Variants in LY86 observed in about 807,000 individuals in gnomAD.
LY86 encodes lymphocyte antigen 86.
LY86 carries 20 observed loss-of-function variants against 17.3 expected under a neutral mutation model. That is an observed-to-expected ratio of 1.15 (90% CI 0.81 to 1.68). The LOEUF is 1.68. Among genes scored for constraint, LY86 ranks in the 40% most tolerant of loss-of-function variants. The pLI is 0.00. For missense variants in LY86, 200 were observed against 191.9 expected (o/e 1.04, Z -0.25); for synonymous variants, 74 against 70.6 (o/e 1.05, Z -0.24).
At chr6:6,601,379 G>A (rs1342005230) in intron 1 of LY86, among the ~76,000 whole-genome samples, 1 of 61,354 alleles carries the variant, frequency 1.6e-5, no homozygotes, top group Non-Finnish European at 6.0e-5. Flanking sequence ...TCATGGAAAG[G>A]GCAGATGATG....
At chr6:6,603,630 A>C (rs1339988465) in intron 1 of LY86, among the ~76,000 whole-genome samples, 3 of 127,386 alleles carry the variant, frequency 2.4e-5, no homozygotes, top group African/African-American at 8.7e-5. Context: ...AAAAAAAAAC[A>C]AAACACACAC....
intron 3 of LY86, among the ~76,000 whole-genome samples, chr6:6,645,301 A>G (rs1188197691): frequency 6.6e-6 from 1 of 152,196 alleles, no homozygotes; most frequent in Non-Finnish European, 1.5e-5. Flanking sequence ...CTGGGTAAAT[A>G]ATAATATAGT....
intron 1 of LY86, among the ~76,000 whole-genome samples, chr6:6,621,740 T>C (rs936380723): frequency 2.6e-5 from 4 of 152,192 alleles, no homozygotes; most frequent in Admixed American, 2.6e-4. Context: ...GCAAATTTAC[T>C]ACAAATAACC....
intron 1 of LY86, among the ~76,000 whole-genome samples, chr6:6,603,393 A>T (rs998453940): frequency 4.6e-5 from 7 of 151,972 alleles, no homozygotes; most frequent in Non-Finnish European, 5.9e-5. Flanking sequence ...ACATCTAAGG[A>T]AACTGTATGG....
At chr6:6,612,500 C>T (rs1306165381) in intron 1 of LY86, among the ~76,000 whole-genome samples, 4 of 145,880 alleles carry the variant, frequency 2.7e-5, no homozygotes, top group Non-Finnish European at 6.0e-5. Flanking sequence ...ACAACAAAAA[C>T]ACTTACTGCA....
At chr6:6,620,256 T>C (rs1215611762) in intron 1 of LY86, among the ~76,000 whole-genome samples, 2 of 152,164 alleles carry the variant, frequency 1.3e-5, no homozygotes, top group Non-Finnish European at 2.9e-5. Flanking sequence ...GATCTTACCA[T>C]GGGGGATGAT....
chr6:6,637,013 T>TG (rs1002497247), intron 3 of LY86, among the ~76,000 whole-genome samples: 9 of 148,212 alleles, frequency 6.1e-5, no homozygotes, highest in East Asian at 1.9e-4. Context: ...GGTTTTTTTT[T>TG]TTTTTTTTTT....
chr6:6,626,727 G>A (rs566142899), intron 3 of LY86, among the ~76,000 whole-genome samples: 1 of 152,170 alleles, frequency 6.6e-6, no homozygotes, highest in South Asian at 2.1e-4. Flanking sequence ...GAGCCAAGAG[G>A]TTCCAAAAAT....
At chr6:6,605,864 G>A (rs183779442) in intron 1 of LY86, among the ~76,000 whole-genome samples, 31 of 151,430 alleles carry the variant, frequency 2.0e-4, no homozygotes, top group African/African-American at 5.2e-4. Context: ...GGGGGCATCT[G>A]GAGCTCTTCG....
chr6:6,618,905 A>G (rs1051835688), intron 1 of LY86, among the ~76,000 whole-genome samples: 5 of 152,218 alleles, frequency 3.3e-5, no homozygotes, highest in Non-Finnish European at 5.9e-5. Context: ...CCACATTGTA[A>G]ATTATTTCTT....
chr6:6,640,931 C>G (rs1762031299), intron 3 of LY86, among the ~76,000 whole-genome samples: 1 of 152,206 alleles, frequency 6.6e-6, no homozygotes, highest in South Asian at 2.1e-4. Flanking sequence ...AAAATAAAAT[C>G]TCACATGCCT....
chr6:6,599,640 AC>A (rs1760835448), intron 1 of LY86, among the ~76,000 whole-genome samples: 1 of 152,234 alleles, frequency 6.6e-6, no homozygotes, highest in Non-Finnish European at 1.5e-5. Flanking sequence ...CTCTGCAGGC[AC>A]AAAGAGAGGG....
At chr6:6,592,932 CAGAT>C (rs879762197) in intron 1 of LY86, among the ~76,000 whole-genome samples, 18 of 152,348 alleles carry the variant, frequency 1.2e-4, no homozygotes, top group Admixed American at 3.9e-4. Flanking sequence ...ACACATGTAA[CAGAT>C]AGAGCAGCAT....
chr6:6,605,616 C>T (rs1416704695), intron 1 of LY86, among the ~76,000 whole-genome samples: 1 of 152,278 alleles, frequency 6.6e-6, no homozygotes, highest in Non-Finnish European at 1.5e-5. Flanking sequence ...GCAGCCTCAT[C>T]TCAGAAGCAA....
intron 1 of LY86, among the ~76,000 whole-genome samples, chr6:6,613,837 T>A (rs540208763): frequency 6.6e-6 from 1 of 152,324 alleles, no homozygotes; most frequent in East Asian, 1.9e-4. Context: ...TGATGGTTTA[T>A]CCGCCTTCCT....
chr6:6,607,227 C>T (rs1204639033), intron 1 of LY86, among the ~76,000 whole-genome samples: 1 of 152,204 alleles, frequency 6.6e-6, no homozygotes, highest in African/African-American at 2.4e-5. Context: ...CGAAAAAGTT[C>T]TAGAAATCTG....
chr6:6,610,423 CAG>C (rs1424085131), intron 1 of LY86, among the ~76,000 whole-genome samples: 4 of 152,316 alleles, frequency 2.6e-5, no homozygotes, highest in African/African-American at 9.6e-5. Flanking sequence ...CCTGAGCCCC[CAG>C]AGTCTGGGCT....
At chr6:6,616,357 T>C (rs932364) in intron 1 of LY86, among the ~76,000 whole-genome samples, 99,469 of 152,100 alleles carry the variant, frequency 0.65, 32,911 homozygotes, top group South Asian at 0.81. Flanking sequence ...GCCTCGCTCA[T>C]GTACTGCAGG....
chr6:6,592,868 G>T (rs1021878712), intron 1 of LY86, among the ~76,000 whole-genome samples: 11 of 152,186 alleles, frequency 7.2e-5, no homozygotes, highest in African/African-American at 2.7e-4. Context: ...TATATAATTT[G>T]TTAAACCTGC....
Sources: allele counts gnomAD v4.1 joint callset (sites outside exome capture counted in the v4.1 genomes callset), GRCh38; gene constraint gnomAD v4.1.1; transcripts MANE v1.5; gene names NCBI Gene and HGNC (gene_info 2026-07-23, HGNC 2026-07-21).